IRS1: variants seen among roughly 807,000 people sequenced by gnomAD.
IRS1 encodes insulin receptor substrate 1.
Under a neutral mutation model 65.6 loss-of-function variants are expected in IRS1, and 34 were observed. That is an observed-to-expected ratio of 0.52 (90% confidence interval 0.39 to 0.69). The LOEUF is 0.69. Among genes scored for constraint, IRS1 ranks in the 30% least tolerant of loss-of-function variants. IRS1 has a pLI of 0.00. For missense variants in IRS1, 1,641 were observed against 1,720.2 expected (o/e 0.95, Z 0.81); for synonymous variants, 699 against 683.5 (o/e 1.02, Z -0.35).
intron 1 of IRS1, among the ~76,000 whole-genome samples, chr2:226,792,897 C>G (rs1939638293): frequency 1.3e-5 from 2 of 152,148 alleles, no homozygotes; most frequent in Admixed American, 1.3e-4. Flanking sequence ...TGTAAATGTG[C>G]CAGGTAGCAT....
rs1187784636 is a variant in IRS1 at position 226,799,256 on chromosome 2, G to A, written c.-518C>T. The A allele has an allele frequency of 5.3e-6, 6 of 1,141,638 alleles. No individual in the cohort carries two copies. The highest frequency in any genetic ancestry group is 1.7e-5 in the African/African-American group (1 of 58,654). The allele number at this position is 1,141,638 out of a possible 1,614,324, so 70.7% of individuals were successfully genotyped here. On this transcript the variant is annotated 5_prime_UTR_variant, in exon 1 of 2. Coordinates refer to ENST00000305123, the MANE Select transcript of IRS1 (RefSeq NM_005544.3). The surrounding 1 kb of genome is among the most constrained non-coding windows in gnomAD (Gnocchi z 6.1). ...GGTTGCCAAGTCCCAACGTTGCACG[G>A]GGTTCTCCCTCCTCCTTCGCCTCCT... is the stretch of plus-strand genomic sequence containing the variant.
At chr2:226,793,149 A>C (rs1318347192) in intron 1 of IRS1, among the ~76,000 whole-genome samples, 1 of 152,188 alleles carries the variant, frequency 6.6e-6, no homozygotes, top group Non-Finnish European at 1.5e-5. Flanking sequence ...TAAAAATGAA[A>C]ATTCTAGTTG....
chr2:226,740,650 T>C (rs1938418885), intron 1 of IRS1, among the ~76,000 whole-genome samples: 2 of 152,260 alleles, frequency 1.3e-5, no homozygotes, highest in South Asian at 4.1e-4. Flanking sequence ...CCTGTATTTA[T>C]ATGTTTTGAA....
Position 226,794,874 on chromosome 2 carries a change from C to T in IRS1, c.*21+115G>A. On this transcript the variant is annotated intron_variant, in intron 1 of 1. Coordinates refer to ENST00000305123, the MANE Select transcript of IRS1 (RefSeq NM_005544.3). This position sits in a 1 kb window ranked among gnomAD's most constrained non-coding sequence, Gnocchi z 4.1. Reference sequence around the variant, plus strand: ...CTTGTGTGCCCTGAGAATGTAAGTGCATTCTCCCTGAGGAAGCAGTGGGAA... The same window carrying T: ...CTTGTGTGCCCTGAGAATGTAAGTGTATTCTCCCTGAGGAAGCAGTGGGAA... 6.6e-6 allele frequency: 6 copies of T among 915,420 alleles called. No homozygotes were observed. The highest frequency in any genetic ancestry group is 1.1e-5 in the Non-Finnish European group (6 of 560,562). 56.7% of individuals were successfully genotyped at this position (915,420 alleles called of 1,614,324 possible). A position where few individuals can be genotyped will look rare whatever the true frequency, so the allele number is the denominator to read the frequency against.
chr2:226,791,350 G>A (rs1330817249), intron 1 of IRS1, among the ~76,000 whole-genome samples: 1 of 152,168 alleles, frequency 6.6e-6, no homozygotes, highest in East Asian at 1.9e-4. Context: ...ACGTGGCCTC[G>A]TAGTAAACCG....
At chr2:226,742,195 C>T (rs533313461) in intron 1 of IRS1, among the ~76,000 whole-genome samples, 4 of 152,166 alleles carry the variant, frequency 2.6e-5, no homozygotes, top group Admixed American at 1.3e-4. Flanking sequence ...AGTATGGGGG[C>T]AAGCTGAAGC....
intron 1 of IRS1, among the ~76,000 whole-genome samples, chr2:226,782,904 G>A (rs1243554428): frequency 6.6e-6 from 1 of 152,228 alleles, no homozygotes; most frequent in African/African-American, 2.4e-5. Context: ...AGGTGCTAAG[G>A]TAGGAGAATC....
At chr2:226,790,145 A>G (rs1243681958) in intron 1 of IRS1, among the ~76,000 whole-genome samples, 1 of 152,178 alleles carries the variant, frequency 6.6e-6, no homozygotes, top group Non-Finnish European at 1.5e-5. Flanking sequence ...GGTTAGAATA[A>G]TTTAGAACAA....
intron 1 of IRS1, among the ~76,000 whole-genome samples, chr2:226,742,726 A>AAAAAAAAAAG (rs1431863272): frequency 1.4e-5 from 2 of 147,788 alleles, no homozygotes; most frequent in East Asian, 4.3e-4. Flanking sequence ...AAAAAAAAAA[A>AAAAAAAAAAG]AGAAGACCGA....
Position 226,794,917 on chromosome 2 carries a change from A to G in IRS1, c.*21+72T>C, listed in dbSNP as rs1464282541. On this transcript the variant is annotated intron_variant, in intron 1 of 1. Transcript: ENST00000305123. This position sits in a 1 kb window ranked among gnomAD's most constrained non-coding sequence, Gnocchi z 4.1. ...AGTGGGAAAGAACAGGAAGGGGCAG[A>G]GGCGAAGAACAGAATTCAAGGACAA... 1 of 1,315,306 alleles carries G rather than the reference A, an allele frequency of 7.6e-7. No homozygotes were observed. The highest frequency in any genetic ancestry group is 1.1e-6 in the Non-Finnish European group (1 of 915,502). The allele number at this position is 1,315,306 out of a possible 1,614,324, so 81.5% of individuals were successfully genotyped here.
intron 1 of IRS1, among the ~76,000 whole-genome samples, chr2:226,791,005 T>A (rs1449971501): frequency 6.6e-6 from 1 of 152,186 alleles, no homozygotes; most frequent in African/African-American, 2.4e-5. Context: ...CAAACCCTTG[T>A]CACACCGGGT....
chr2:226,745,670 T>A (rs529442013), intron 1 of IRS1, among the ~76,000 whole-genome samples: 5 of 152,226 alleles, frequency 3.3e-5, no homozygotes, highest in Non-Finnish European at 7.3e-5. Context: ...CTTATCATTG[T>A]GCCTGACACA....
rs1939844239 is a variant in IRS1, at chr2:226,799,424, C to G, written c.-686G>C. On this transcript the variant is annotated 5_prime_UTR_variant, in exon 1 of 2. It removes an upstream start codon present in the reference 5' UTR. Transcript: ENST00000305123. This position sits in a 1 kb window ranked among gnomAD's most constrained non-coding sequence, Gnocchi z 6.1. ...CCGCGGGCGCGTCCTCTGCAGCCCC[C>G]ATCCGGGCCCATCTCGGCGGGTGGA... 1 of 1,221,088 alleles carries G rather than the reference C, an allele frequency of 8.2e-7. No individual in the cohort carries two copies. The highest frequency in any genetic ancestry group is 1.0e-6 in the Non-Finnish European group (1 of 953,290). 75.6% of individuals were successfully genotyped at this position (1,221,088 alleles called of 1,614,324 possible).
rs1249656128 is a variant in IRS1, at chr2:226,734,321, C to G, written c.*1951G>C. ...TTGAAAACAATGGATTCTTATGACT[C>G]TAGACCCTATTTATCTTAGAAATTG... On this transcript the variant is annotated 3_prime_UTR_variant, in exon 2 of 2. Transcript: ENST00000305123. The G allele has an allele frequency of 6.6e-6, 1 of 152,194 alleles. No individual in the cohort carries two copies. Among genetic ancestry groups the G allele is most frequent in the Non-Finnish European group, 1.5e-5 (1 of 68,024 alleles). The allele number at this position is 152,194 out of a possible 1,614,324, so 9.4% of individuals were successfully genotyped here. A position where few individuals can be genotyped will look rare whatever the true frequency, so the allele number is the denominator to read the frequency against.
Position 226,753,231 on chromosome 2 carries a change from G to A in IRS1, c.*22-16981C>T, listed in dbSNP as rs938675610. The stretch of plus-strand genomic sequence containing the variant: ...ATGAGATATGACAGGCCTTCAATAA[G>A]GAATATTGCCAAATTACCACTGTTT... On this transcript the variant is annotated intron_variant, in intron 1 of 1. Coordinates refer to ENST00000305123, the MANE Select transcript of IRS1 (RefSeq NM_005544.3). 3.9e-5 allele frequency among the ~76,000 whole-genome samples: 6 copies of A among 152,220 alleles called. No homozygotes were observed. In the East Asian group the frequency reaches 1.2e-3, roughly 29 times the overall value.
rs570686297 is a variant in IRS1, at chr2:226,797,665, C to A, written c.1074G>T (p.Arg358=). Residue 358 remains arginine, a synonymous_variant, in exon 1 of 2, where the codon CGG becomes CGT. Coordinates refer to ENST00000305123, the MANE Select transcript of IRS1 (RefSeq NM_005544.3). This position sits in a 1 kb window ranked among gnomAD's most constrained non-coding sequence, Gnocchi z 8.1. The part of the protein sequence containing the change: ...SPSTNRTHAH[R]HRGSARLHPP... ...GGTGCAGCCGGGCGCTGCCCCGATG[C>A]CGGTGGGCGTGGGTTCTGTTGGTGC... The A allele has an allele frequency of 1.3e-4, 203 of 1,594,824 alleles. 1 individual carries two copies. In the South Asian group the frequency reaches 2.2e-3, roughly 17 times the overall value.
At chr2:226,741,671 C>T (rs1288789723) in intron 1 of IRS1, among the ~76,000 whole-genome samples, 1 of 152,022 alleles carries the variant, frequency 6.6e-6, no homozygotes, top group Non-Finnish European at 1.5e-5. Flanking sequence ...TGCTGATACA[C>T]TTAATTTACA....
rs1939733329 is a variant in IRS1, at chr2:226,796,598, G to A, written c.2141C>T (p.Pro714Leu). 6.2e-7 allele frequency: 1 copy of A among 1,614,056 alleles called. No homozygotes were observed. Among genetic ancestry groups the A allele is most frequent in the African/African-American group, 1.3e-5 (1 of 75,032 alleles). ...GGHHSHVLPHPKPPVESSGGK... is the reference protein window; with the variant it reads ...GGHHSHVLPHLKPPVESSGGK... ...ACCGCTGCTCTCCACTGGGGGTTTG[G>A]GGTGAGGCAAGACATGAGAGTGGTG... Residue 714 changes from proline to leucine, a missense_variant, in exon 1 of 2, where the codon CCC (proline) becomes CTC (leucine). By Grantham distance (98) the Pro-to-Leu change is moderately conservative. Around this residue, in one of 3 missense-constraint regions of IRS1, gnomAD observed 1,324 missense variants for 1,361.0 expected, o/e 0.97. Coordinates refer to ENST00000305123, the MANE Select transcript of IRS1 (RefSeq NM_005544.3).
chr2:226,772,902 A>G (rs1222099563), intron 1 of IRS1, among the ~76,000 whole-genome samples: 1 of 152,218 alleles, frequency 6.6e-6, no homozygotes, highest in Non-Finnish European at 1.5e-5. Flanking sequence ...ACTTCCCAAA[A>G]TAGCATCTTC....
Sources: allele counts gnomAD v4.1 joint callset (sites outside exome capture counted in the v4.1 genomes callset), GRCh38; gene constraint gnomAD v4.1.1; regional missense constraint gnomAD v4.1.1; non-coding constraint Gnocchi (gnomAD v3.1); transcripts MANE v1.5; gene names NCBI Gene and HGNC (gene_info 2026-07-23, HGNC 2026-07-21).